Variants in RUNX1 observed in about 807,000 individuals in gnomAD.
The protein encoded by RUNX1 is RUNX family transcription factor 1.
RUNX1 carries 19 observed loss-of-function variants against 42.8 expected under a neutral mutation model. That is an observed-to-expected ratio of 0.44 (90% CI 0.31 to 0.65). The LOEUF is 0.65. Ranked by LOEUF, RUNX1 falls within the 30% of genes least tolerant of loss-of-function variation. The pLI is 0.07. For synonymous variants in RUNX1, 271 were observed against 289.4 expected (o/e 0.94, Z 0.64); for missense variants, 528 against 672.0 (o/e 0.79, Z 2.37).
intron 2 of RUNX1, among the ~76,000 whole-genome samples, chr21:34,988,301 T>C (rs1450946668): frequency 1.3e-5 from 2 of 152,170 alleles, no homozygotes; most frequent in Non-Finnish European, 2.9e-5. Flanking sequence ...ACATGGTTGC[T>C]AAGAGACTGG....
rs114070441 is a variant in RUNX1 at position 35,035,135 on chromosome 21, G to A, written c.58+13707C>T. Among the ~76,000 whole-genome samples the A allele has an allele frequency of 1.2e-3, 181 of 152,320 alleles. 1 individual carries two copies. Among genetic ancestry groups the A allele is most frequent in the African/African-American group, 4.2e-3 (175 of 41,564 alleles). On this transcript the variant is annotated intron_variant, in intron 2 of 8. Transcript: ENST00000675419. The stretch of plus-strand genomic sequence containing the variant: ...GTGTCCAATTTAAAATCAAATCAGG[G>A]TGGAAAGGAAAAGTCCATGATGATA...
chr21:34,834,312 C>T (rs745746160), intron 7 of RUNX1, 98 bp downstream of exon 7: 7 of 1,233,612 alleles, frequency 5.7e-6, no homozygotes, highest in African/African-American at 3.0e-5. Flanking sequence ...CAAGGGGAAA[C>T]CCCAGTTGGT....
At chr21:34,966,925 G>T (rs933811507) in intron 2 of RUNX1, among the ~76,000 whole-genome samples, 2 of 152,034 alleles carry the variant, frequency 1.3e-5, no homozygotes, top group Admixed American at 1.3e-4. Context: ...GAAGGAGAGC[G>T]CAGGGGTCCT....
intron 2 of RUNX1, among the ~76,000 whole-genome samples, chr21:35,012,125 C>A (rs2059130508): frequency 6.6e-6 from 1 of 152,192 alleles, no homozygotes; most frequent in Non-Finnish European, 1.5e-5. Flanking sequence ...TCCTCCATAT[C>A]TAACGTGAGA....
At chr21:34,881,248 G>A (rs940516514) in intron 4 of RUNX1, among the ~76,000 whole-genome samples, 2 of 152,020 alleles carry the variant, frequency 1.3e-5, no homozygotes, top group African/African-American at 2.4e-5. Context: ...GGCTGAACAA[G>A]GTGCAGACTT....
At chr21:34,860,926 T>C (rs1219560010) in intron 5 of RUNX1, among the ~76,000 whole-genome samples, 1 of 152,106 alleles carries the variant, frequency 6.6e-6, no homozygotes, top group Non-Finnish European at 1.5e-5. Flanking sequence ...TGTATTAAAG[T>C]CTATAATAAA....
At chr21:34,853,643 G>A (rs2057455795) in intron 6 of RUNX1, among the ~76,000 whole-genome samples, 1 of 152,064 alleles carries the variant, frequency 6.6e-6, no homozygotes, top group South Asian at 2.1e-4. Flanking sequence ...AACAGTGTTG[G>A]GCAAATAACA....
chr21:34,932,656 C>T (rs2058456361), intron 2 of RUNX1, among the ~76,000 whole-genome samples: 1 of 152,174 alleles, frequency 6.6e-6, no homozygotes, highest in South Asian at 2.1e-4. Context: ...ACCCCTTCTA[C>T]TGAGGTTACT....
chr21:34,967,456 G>C (rs1284219507), intron 2 of RUNX1, among the ~76,000 whole-genome samples: 1 of 151,258 alleles, frequency 6.6e-6, no homozygotes, highest in African/African-American at 2.4e-5. Context: ...CAGTGTCACG[G>C]GGGAGGCTGA....
Position 34,792,597 on chromosome 21 carries a change from C to T in RUNX1, c.981G>A (p.Leu327=). The T allele has an allele frequency of 6.3e-7, 1 of 1,593,910 alleles. No individual in the cohort carries two copies. Among genetic ancestry groups the T allele is most frequent in the Non-Finnish European group, 8.5e-7 (1 of 1,170,590 alleles). The stretch of plus-strand genomic sequence containing the variant: ...ACTGGCGCGGGTCGCTGAACGCTGT[C>T]AGGTCGGGTGCCGCTGCAGGGCGGG... ...LSSRLSTAPD[L]TAFSDPRQFP... The change falls in exon 9 of 9, where the codon CTG becomes CTA. Residue 327 remains leucine, a synonymous_variant. Transcript: ENST00000675419. This position sits in a 1 kb window ranked among gnomAD's most constrained non-coding sequence, Gnocchi z 6.9.
intron 7 of RUNX1, among the ~76,000 whole-genome samples, chr21:34,826,434 C>CTTTTTTTTTTTTTTTTTTTT (rs772880673): frequency 7.6e-5 from 8 of 105,364 alleles, no homozygotes; most frequent in Non-Finnish European, 1.3e-4. Context: ...TTCTTTCTTT[C>CTTTTTTTTTTTTTTTTTTTT]TTTTTTTTTT....
intron 6 of RUNX1, among the ~76,000 whole-genome samples, chr21:34,850,616 T>A (rs181084933): frequency 6.6e-6 from 1 of 152,230 alleles, no homozygotes; most frequent in Non-Finnish European, 1.5e-5. Flanking sequence ...GTGACTTTTC[T>A]TTCTGACTTT....
At chr21:34,895,688 T>C (rs1426431503) in intron 2 of RUNX1, among the ~76,000 whole-genome samples, 6 of 151,794 alleles carry the variant, frequency 4.0e-5, no homozygotes, top group Non-Finnish European at 1.5e-5. Flanking sequence ...TCCAGTACAG[T>C]TGGGGCATAG....
intron 2 of RUNX1, among the ~76,000 whole-genome samples, chr21:34,956,664 G>A (rs2058646469): frequency 6.6e-6 from 1 of 152,128 alleles, no homozygotes; most frequent in African/African-American, 2.4e-5. Context: ...GGCATGAATG[G>A]GTGACTAGCT....
At chr21:34,990,590 C>G (rs568902415) in intron 2 of RUNX1, among the ~76,000 whole-genome samples, 1 of 152,162 alleles carries the variant, frequency 6.6e-6, no homozygotes, top group Non-Finnish European at 1.5e-5. Flanking sequence ...CAGAGACGTG[C>G]ACCCATACCA....
intron 2 of RUNX1, among the ~76,000 whole-genome samples, chr21:35,008,012 C>T (rs563259961): frequency 6.6e-6 from 1 of 152,242 alleles, no homozygotes; most frequent in South Asian, 2.1e-4. Context: ...CGGCCACCAC[C>T]CCTGGGCCAT....
chr21:34,887,838 G>A (rs1047634487), intron 3 of RUNX1: 1 of 1,064,844 alleles, frequency 9.4e-7, no homozygotes, highest in East Asian at 5.0e-5. Context: ...AGTTGGAGCA[G>A]TGCTGAGCTA....
At chr21:35,001,286 TTA>T (rs1491207842) in intron 2 of RUNX1, among the ~76,000 whole-genome samples, 10 of 123,752 alleles carry the variant, frequency 8.1e-5, no homozygotes, top group African/African-American at 2.2e-4. Flanking sequence ...TTTTGGCCTA[TTA>T]TTTTTTTTGA....
Position 34,910,292 on chromosome 21 carries a change from C to A in RUNX1, c.59-17329G>T, listed in dbSNP as rs570245648. Among the ~76,000 whole-genome samples the A allele has an allele frequency of 8.5e-5, 13 of 152,260 alleles. No homozygotes were observed. In the South Asian group the frequency reaches 2.3e-3, roughly 27 times the overall value. ...GCTTTCTCCACCTTCTCCTCACTGG[C>A]TGGAGCACTCAGGACTCTCCCAGGT... On this transcript the variant is annotated intron_variant, in intron 2 of 8. Transcript: ENST00000675419.
Sources: allele counts gnomAD v4.1 joint callset (sites outside exome capture counted in the v4.1 genomes callset), GRCh38; gene constraint gnomAD v4.1.1; non-coding constraint Gnocchi (gnomAD v3.1); transcripts MANE v1.5; gene names NCBI Gene and HGNC (gene_info 2026-07-23, HGNC 2026-07-21).